The following ADHFE1 variants were observed in gnomAD, a reference collection of about 807,000 sequenced individuals.
ADHFE1 encodes the protein hydroxyacid-oxoacid transhydrogenase, mitochondrial.
Under a neutral mutation model 54.8 loss-of-function variants are expected in ADHFE1, and 37 were observed. That is an observed-to-expected ratio of 0.68 (90% CI 0.52 to 0.89). The LOEUF (loss-of-function observed/expected upper bound fraction) is 0.89. Among genes scored for constraint, ADHFE1 ranks in the 40% least tolerant of loss-of-function variants. The probability of loss-of-function intolerance (pLI) is 0.00; values close to 1 mark genes in which losing one functional copy is unlikely to be tolerated. For synonymous variants in ADHFE1, 203 were observed against 229.3 expected (o/e 0.89, Z 1.04); for missense variants, 601 against 591.2 (o/e 1.02, Z -0.17).
intron 13 of ADHFE1, among the ~76,000 whole-genome samples, chr8:66,464,666 C>T (rs945907254): frequency 7.2e-5 from 11 of 152,172 alleles, no homozygotes; most frequent in African/African-American, 2.4e-4. Flanking sequence ...TCCCTCTATC[C>T]TTTCTTCCTG....
At chr8:66,443,441 C>T (rs1805870288) in intron 3 of ADHFE1, among the ~76,000 whole-genome samples, 1 of 151,998 alleles carries the variant, frequency 6.6e-6, no homozygotes, top group Non-Finnish European at 1.5e-5. Flanking sequence ...CCACACCCAG[C>T]TAATTTTTGT....
chr8:66,436,417 C>G (rs1376692456), intron 1 of ADHFE1, among the ~76,000 whole-genome samples: 2 of 151,964 alleles, frequency 1.3e-5, no homozygotes, highest in Non-Finnish European at 2.9e-5. Flanking sequence ...GTGAAGCATA[C>G]CTGGGTATGG....
At chr8:66,444,263 G>A in intron 3 of ADHFE1, 104 bp from the exon 4 acceptor site, 1 of 1,044,740 alleles carries the variant, frequency 9.6e-7, no homozygotes, top group South Asian at 1.4e-5. Context: ...GCTAAGGAGT[G>A]TATACTTTAT....
In ADHFE1 at chr8:66,466,236, A is replaced by AT. The variant is rs575459850; in HGVS notation, c.1321-2012dup. Among the ~76,000 whole-genome samples, 355 of 119,630 alleles carry AT rather than the reference A, an allele frequency of 3.0e-3. 1 individual carries two copies. Among genetic ancestry groups the AT allele is most frequent in the East Asian group, 0.011 (45 of 4,046 alleles). 78.5% of individuals were successfully genotyped at this position (119,630 alleles called of 152,430 possible). A position where few individuals can be genotyped will look rare whatever the true frequency, so the allele number is the denominator to read the frequency against. On this transcript the variant is annotated intron_variant, in intron 13 of 13. Coordinates refer to ENST00000396623, the MANE Select transcript of ADHFE1 (RefSeq NM_144650.3). The stretch of plus-strand genomic sequence containing the variant: ...GCTGCCCACCACCACACCCAGCTGA[A>AT]TTTTTTTTTTTTTTTTTTTTTGTAT...
In ADHFE1 at chr8:66,444,390, T is replaced by C; in HGVS notation, c.168T>C (p.Tyr56=). ...AFEMAVSNIR[Y]GAAVTKEVGM... is the part of the protein sequence containing the mutation. ...AGATGGCTGTTTCAAATATTAGATA[T>C]GGAGCAGCAGTTACAAAGGAAGTAG... The change falls in exon 4 of 14, where the codon TAT becomes TAC. Residue 56 remains tyrosine, a synonymous_variant. Coordinates refer to ENST00000396623, the MANE Select transcript of ADHFE1 (RefSeq NM_144650.3). 1 of 1,614,156 alleles carries C rather than the reference T, an allele frequency of 6.2e-7. No homozygotes were observed. The highest frequency in any genetic ancestry group is 8.5e-7 in the Non-Finnish European group (1 of 1,180,018).
At chr8:66,447,424 G>T in intron 7 of ADHFE1, 83 bp downstream of exon 7, 1 of 1,192,540 alleles carries the variant, frequency 8.4e-7, no homozygotes, top group Non-Finnish European at 1.2e-6. Context: ...AAATCAAGCA[G>T]TTATGATACA....
intron 9 of ADHFE1, chr8:66,453,728 CAAAT>C: frequency 8.7e-6 from 12 of 1,375,534 alleles, no homozygotes; most frequent in Non-Finnish European, 1.2e-5. Flanking sequence ...ACAGCACTGA[CAAAT>C]GAAGAAGAAG....
chr8:66,465,505 G>GTA (rs922970642), intron 13 of ADHFE1, among the ~76,000 whole-genome samples: 28 of 151,812 alleles, frequency 1.8e-4, no homozygotes, highest in African/African-American at 3.1e-4. Context: ...TATTGGCTAT[G>GTA]TATATATATA....
chr8:66,442,885 GA>G (rs1193062956), intron 3 of ADHFE1, 41 bp downstream of exon 3: 10 of 1,446,298 alleles, frequency 6.9e-6, no homozygotes, highest in Non-Finnish European at 8.4e-6. Context: ...TGAATGACTA[GA>G]AAAAAATAAA....
chr8:66,437,273 G>A (rs1805512795), intron 1 of ADHFE1, among the ~76,000 whole-genome samples: 1 of 152,128 alleles, frequency 6.6e-6, no homozygotes, highest in Non-Finnish European at 1.5e-5. Flanking sequence ...ATGATTTAGG[G>A]GACAGAAGGG....
chr8:66,463,322 A>G (rs1478589174), intron 13 of ADHFE1, among the ~76,000 whole-genome samples: 1 of 152,244 alleles, frequency 6.6e-6, no homozygotes, highest in Non-Finnish European at 1.5e-5. Flanking sequence ...TTTTACAAAA[A>G]TGGGAGGTAA....
intron 10 of ADHFE1, among the ~76,000 whole-genome samples, chr8:66,455,540 A>C (rs757717197): frequency 2.0e-5 from 3 of 152,274 alleles, no homozygotes; most frequent in Non-Finnish European, 4.4e-5. Flanking sequence ...CTTTCCAAAA[A>C]GCAAGTGAGC....
intron 7 of ADHFE1, among the ~76,000 whole-genome samples, chr8:66,448,336 C>G (rs1022314001): frequency 6.6e-6 from 1 of 152,198 alleles, no homozygotes; most frequent in Non-Finnish European, 1.5e-5. Context: ...TTCTACCTTA[C>G]AGTTTCTAAA....
intron 12 of ADHFE1, 191 bp from the exon 13 acceptor site, chr8:66,460,117 T>A: frequency 1.6e-6 from 1 of 633,638 alleles, no homozygotes; most frequent in East Asian, 2.8e-5. Flanking sequence ...TGGCAGCCCC[T>A]CCGAAATGTC....
chr8:66,435,580 GAAT>G (rs1432954626), intron 1 of ADHFE1, among the ~76,000 whole-genome samples: 3 of 141,828 alleles, frequency 2.1e-5, no homozygotes, highest in Non-Finnish European at 4.6e-5. Flanking sequence ...AGATCATCCA[GAAT>G]AATCTCCTCA....
chr8:66,435,600 G>GTT (rs1805417460), intron 1 of ADHFE1, among the ~76,000 whole-genome samples: 1 of 109,432 alleles, frequency 9.1e-6, no homozygotes, highest in African/African-American at 3.7e-5. Context: ...CTCATTTCAA[G>GTT]ATTTTTTTTT....
intron 1 of ADHFE1, among the ~76,000 whole-genome samples, chr8:66,434,458 G>C (rs1001762560): frequency 6.6e-4 from 100 of 152,318 alleles, no homozygotes; most frequent in African/African-American, 2.1e-3. Flanking sequence ...AATTCCTGGG[G>C]AGCAGCACTG....
chr8:66,455,681 G>T (rs1012551043), intron 10 of ADHFE1, among the ~76,000 whole-genome samples: 3 of 152,214 alleles, frequency 2.0e-5, no homozygotes, highest in Non-Finnish European at 4.4e-5. Context: ...ATGGGAAGCC[G>T]AGTTGGACGG....
Position 66,432,527 on chromosome 8 carries a change from C to G in ADHFE1, c.11C>G (p.Ala4Gly), listed in dbSNP as rs768639150. 3 of 1,359,732 alleles carry G rather than the reference C, an allele frequency of 2.2e-6. No homozygotes were observed. The highest frequency in any genetic ancestry group is 2.9e-6 in the Non-Finnish European group (3 of 1,045,812). The allele number at this position is 1,359,732 out of a possible 1,614,324, so 84.2% of individuals were successfully genotyped here. Residue 4 changes from alanine to glycine, a missense_variant, in exon 1 of 14, where the codon GCC (alanine) becomes GGC (glycine). Transcript: ENST00000396623. ...AGGACTCCAAGCGCCATGGCCGCTG[C>G]CGCCCGAGCCCGGGTCGCGTACTTG... MAA[A>G]ARARVAYLLR... is the part of the protein sequence containing the mutation.
Sources: gnomAD v4.1 joint callset for allele counts (sites outside exome capture counted in the v4.1 genomes callset) on GRCh38, gnomAD v4.1.1 for gene constraint, MANE v1.5 for transcripts, NCBI Gene and HGNC (gene_info 2026-07-23, HGNC 2026-07-21) for gene names.